Variants in ARHGAP25 observed in about 807,000 individuals in gnomAD.
ARHGAP25 encodes rho GTPase-activating protein 25.
A neutral mutation model predicts 71.0 loss-of-function variants in ARHGAP25; 34 were observed. The observed-to-expected ratio is 0.48, with a 90% CI of 0.36 to 0.64. The LOEUF is 0.64. ARHGAP25 is among the 30% of genes least tolerant of loss of function. ARHGAP25 has a pLI of 0.00. For missense variants in ARHGAP25, 706 were observed against 805.1 expected, an observed-to-expected ratio of 0.88 and a Z score of 1.49; for synonymous variants, 282 against 296.5, an observed-to-expected ratio of 0.95 and a Z score of 0.50.
chr2:68,717,579 C>A (rs1355237804), intron 2 of ARHGAP25, among the ~76,000 whole-genome samples: 1 of 152,192 alleles, frequency 6.6e-6, no homozygotes, highest in Admixed American at 6.5e-5. Context: ...ATATGTGAAG[C>A]CAAAGGTCTG....
At chr2:68,715,289 T>C (rs1340775712) in intron 2 of ARHGAP25, among the ~76,000 whole-genome samples, 3 of 152,144 alleles carry the variant, frequency 2.0e-5, no homozygotes, top group Non-Finnish European at 4.4e-5. Flanking sequence ...CCTTTGGAGG[T>C]GGCGCCCAGC....
intron 1 of ARHGAP25, among the ~76,000 whole-genome samples, chr2:68,758,472 G>T (rs1281128746): frequency 1.3e-5 from 2 of 151,582 alleles, no homozygotes; most frequent in Non-Finnish European, 3.0e-5. Context: ...TAATATCAAA[G>T]AAAATGAACT....
chr2:68,816,207 A>G (rs1259821431), intron 6 of ARHGAP25, 82 bp from the exon 7 acceptor site: 8 of 1,171,454 alleles, frequency 6.8e-6, no homozygotes, highest in Non-Finnish European at 9.0e-6. Flanking sequence ...AGATACACCA[A>G]TTCTGTCCCA....
intron 1 of ARHGAP25, among the ~76,000 whole-genome samples, chr2:68,738,401 A>T (rs1296830382): frequency 6.6e-6 from 1 of 152,132 alleles, no homozygotes; most frequent in African/African-American, 2.4e-5. Context: ...GAGAATCCTG[A>T]AACTATATAG....
In ARHGAP25 at chr2:68,782,290, G is replaced by A; in HGVS notation, c.319G>A (p.Ala107Thr). The A allele has an allele frequency of 3.1e-6, 5 of 1,614,144 alleles. No homozygotes were observed. Among genetic ancestry groups the A allele is most frequent in the Non-Finnish European group, 4.2e-6 (5 of 1,180,000 alleles). Residue 107 changes from alanine to threonine, a missense_variant, in exon 3 of 11, where the codon GCT (alanine) becomes ACT (threonine). Ala to Thr is a moderately conservative substitution (Grantham distance 58). Transcript: ENST00000409202. ...GGAGATCGCCACAAACCCAGAAGAA[G>A]CTGGGAAGTTTGTCTTTGAAATCAT... ...IKEIATNPEE[A>T]GKFVFEIIPA...
chr2:68,748,386 A>G (rs1316281898), intron 1 of ARHGAP25, among the ~76,000 whole-genome samples: 1 of 152,098 alleles, frequency 6.6e-6, no homozygotes, highest in Non-Finnish European at 1.5e-5. Flanking sequence ...TCTTTATCCC[A>G]TTATCTTACA....
chr2:68,742,576 G>C (rs1675579297), intron 1 of ARHGAP25, among the ~76,000 whole-genome samples: 1 of 152,214 alleles, frequency 6.6e-6, no homozygotes, highest in Admixed American at 6.5e-5. Flanking sequence ...TTTAGCATAA[G>C]AGCTGGTGTC....
chr2:68,785,364 G>C (rs1678681838), intron 3 of ARHGAP25, among the ~76,000 whole-genome samples: 1 of 152,216 alleles, frequency 6.6e-6, no homozygotes, highest in Non-Finnish European at 1.5e-5. Context: ...AGAGATAGCA[G>C]TGATGAAGGG....
intron 1 of ARHGAP25, among the ~76,000 whole-genome samples, chr2:68,774,532 G>A (rs1198312415): frequency 6.6e-6 from 1 of 152,254 alleles, no homozygotes; most frequent in Non-Finnish European, 1.5e-5. Context: ...GCAGCAGTGA[G>A]CGCCTTGTAC....
At chr2:68,765,556 CT>C (rs1677073064) in intron 1 of ARHGAP25, among the ~76,000 whole-genome samples, 1 of 152,130 alleles carries the variant, frequency 6.6e-6, no homozygotes, top group African/African-American at 2.4e-5. Context: ...CTTTTATTCC[CT>C]TTTATGCTAA....
intron 4 of ARHGAP25, among the ~76,000 whole-genome samples, chr2:68,793,098 C>T (rs1229979843): frequency 6.6e-6 from 1 of 152,084 alleles, no homozygotes; most frequent in Admixed American, 6.6e-5. Context: ...TGCTCATGTC[C>T]TTTACCCACT....
intron 3 of ARHGAP25, among the ~76,000 whole-genome samples, chr2:68,785,064 T>C (rs1678652524): frequency 2.6e-5 from 4 of 152,160 alleles, no homozygotes; most frequent in South Asian, 4.1e-4. Context: ...CTATTTCATA[T>C]GTTCAAGGAA....
At chr2:68,775,063 G>T (rs558688576) in intron 1 of ARHGAP25, 158 bp from the exon 2 acceptor site, 98 of 1,532,270 alleles carry the variant, frequency 6.4e-5, no homozygotes, top group Middle Eastern at 2.0e-4. Context: ...CTGGCTCGGG[G>T]GGGACTTTCT....
intron 9 of ARHGAP25, among the ~76,000 whole-genome samples, chr2:68,820,657 AT>A (rs1681576846): frequency 6.6e-6 from 1 of 152,242 alleles, no homozygotes; most frequent in South Asian, 2.1e-4. Flanking sequence ...AAAATATATA[AT>A]ATATGCACAT....
intron 7 of ARHGAP25, chr2:68,816,582 T>G: frequency 1.9e-6 from 1 of 540,360 alleles, no homozygotes; most frequent in East Asian, 3.3e-5. Flanking sequence ...CATTTAGGCC[T>G]GCCTCAGCAC....
intron 1 of ARHGAP25, among the ~76,000 whole-genome samples, chr2:68,763,973 A>G (rs1676977979): frequency 6.6e-6 from 1 of 152,204 alleles, no homozygotes. Context: ...GATGATTACC[A>G]TAGTCCAGTT....
intron 10 of ARHGAP25, among the ~76,000 whole-genome samples, chr2:68,824,519 A>G (rs143997585): frequency 1.6e-4 from 25 of 152,258 alleles, no homozygotes; most frequent in South Asian, 4.1e-4. Flanking sequence ...AAGGTGGGTG[A>G]ATCACGAGGT....
intron 1 of ARHGAP25, among the ~76,000 whole-genome samples, chr2:68,762,235 G>A (rs1410038435): frequency 2.6e-5 from 4 of 152,122 alleles, no homozygotes; most frequent in Non-Finnish European, 5.9e-5. Context: ...AGGGAAAGAA[G>A]GAAAAGGAAG....
intron 2 of ARHGAP25, among the ~76,000 whole-genome samples, chr2:68,728,077 G>A (rs1674926124): frequency 6.6e-6 from 1 of 152,232 alleles, no homozygotes; most frequent in East Asian, 1.9e-4. Flanking sequence ...AAGTAGGAAA[G>A]TTTCAGTCAA....
Sources: gnomAD v4.1 joint callset for allele counts (sites outside exome capture counted in the v4.1 genomes callset) on GRCh38, gnomAD v4.1.1 for gene constraint, MANE v1.5 for transcripts, NCBI Gene and HGNC (gene_info 2026-07-23, HGNC 2026-07-21) for gene names.